The following GABBR2 variants were observed in gnomAD, a reference collection of about 807,000 sequenced individuals.
The protein encoded by GABBR2 is gamma-aminobutyric acid type B receptor subunit 2, also known as G-protein coupled receptor 51.
A neutral mutation model predicts 105.6 loss-of-function variants in GABBR2; 23 were observed. The ratio of observed to expected loss-of-function variants is 0.22; its 90% CI spans 0.16 to 0.31. The LOEUF is 0.31. Among genes scored for constraint, GABBR2 ranks in the 10% least tolerant of loss-of-function variants. The pLI is 1.00. For synonymous variants in GABBR2, 478 were observed against 499.7 expected (o/e 0.96, Z 0.58); for missense variants, 734 against 1,245.5 (o/e 0.59, Z 6.18).
At chr9:98,301,436 A>G (rs1441225145) in intron 16 of GABBR2, among the ~76,000 whole-genome samples, 1 of 152,256 alleles carries the variant, frequency 6.6e-6, no homozygotes, top group Non-Finnish European at 1.5e-5. Context: ...AAACATGGTT[A>G]GAGGATTTTT....
intron 7 of GABBR2, among the ~76,000 whole-genome samples, chr9:98,444,266 G>A (rs941356836): frequency 6.6e-6 from 1 of 152,148 alleles, no homozygotes; most frequent in Non-Finnish European, 1.5e-5. Context: ...TGTCAGATGG[G>A]GCTAGATGTT....
At chr9:98,313,704 G>A (rs1045812348) in intron 13 of GABBR2, among the ~76,000 whole-genome samples, 11 of 152,188 alleles carry the variant, frequency 7.2e-5, no homozygotes, top group African/African-American at 2.7e-4. Context: ...TTGAGGCCCA[G>A]GGTAAAGCCA....
intron 13 of GABBR2, among the ~76,000 whole-genome samples, chr9:98,322,175 C>A (rs75397572): frequency 0.034 from 5,184 of 152,036 alleles, 295 homozygotes; most frequent in African/African-American, 0.12. Context: ...CCAGGGGCAC[C>A]CTCTACTCCT....
intron 1 of GABBR2, among the ~76,000 whole-genome samples, chr9:98,618,486 A>ATCTCTCTCTCTCTC (rs10611275): frequency 3.0e-4 from 43 of 145,172 alleles, no homozygotes; most frequent in African/African-American, 9.3e-4. Flanking sequence ...GGTCTGCTGC[A>ATCTCTCTCTCTCTC]TCTCTCTCTC....
At chr9:98,567,455 T>C (rs1382980830) in intron 2 of GABBR2, among the ~76,000 whole-genome samples, 1 of 152,062 alleles carries the variant, frequency 6.6e-6, no homozygotes, top group African/African-American at 2.4e-5. Flanking sequence ...CTTTCGCCTC[T>C]CCTGTAAGTT....
chr9:98,566,877 T>A (rs1336894663), intron 2 of GABBR2, among the ~76,000 whole-genome samples: 2 of 150,594 alleles, frequency 1.3e-5, no homozygotes, highest in Non-Finnish European at 3.0e-5. Context: ...GAAGATTACA[T>A]GCCTGCTGGG....
chr9:98,399,301 G>A (rs1249718745), intron 8 of GABBR2, among the ~76,000 whole-genome samples: 2 of 149,504 alleles, frequency 1.3e-5, no homozygotes. Context: ...GCAGTGGGCT[G>A]AGATTGTGCC....
chr9:98,563,057 G>A (rs1404814860), intron 2 of GABBR2, among the ~76,000 whole-genome samples: 3 of 103,426 alleles, frequency 2.9e-5, no homozygotes, highest in African/African-American at 4.0e-5. Context: ...GTGACAGAGC[G>A]AGACCCTGTC....
At chr9:98,573,938 C>T (rs1413639791) in intron 2 of GABBR2, among the ~76,000 whole-genome samples, 1 of 152,194 alleles carries the variant, frequency 6.6e-6, no homozygotes, top group Non-Finnish European at 1.5e-5. Context: ...GAGAAGATAT[C>T]ACCCCCTATT....
At chr9:98,328,311 C>T (rs1161796299) in intron 13 of GABBR2, among the ~76,000 whole-genome samples, 2 of 152,124 alleles carry the variant, frequency 1.3e-5, no homozygotes, top group Non-Finnish European at 2.9e-5. Context: ...ATGTCAGAAA[C>T]TTAACAATAC....
At chr9:98,654,506 T>A (rs1334045792) in intron 1 of GABBR2, among the ~76,000 whole-genome samples, 2 of 152,124 alleles carry the variant, frequency 1.3e-5, no homozygotes, top group East Asian at 3.9e-4. Flanking sequence ...TACATACTAG[T>A]GGTGAAATGG....
chr9:98,558,404 T>C (rs1828619701), intron 2 of GABBR2, among the ~76,000 whole-genome samples: 1 of 152,188 alleles, frequency 6.6e-6, no homozygotes, highest in Non-Finnish European at 1.5e-5. Flanking sequence ...TAGTGATCTA[T>C]TAGTTATGTC....
intron 3 of GABBR2, among the ~76,000 whole-genome samples, chr9:98,506,598 G>T (rs1827516800): frequency 6.6e-6 from 1 of 152,212 alleles, no homozygotes. Context: ...CTCTATCAGG[G>T]CCCCAATGAA....
intron 6 of GABBR2, among the ~76,000 whole-genome samples, chr9:98,467,443 T>C (rs2808554): frequency 0.52 from 79,078 of 151,772 alleles, 20,853 homozygotes; most frequent in Non-Finnish European, 0.56. Flanking sequence ...GGAATGGGAG[T>C]AGCAAGGAAT....
chr9:98,702,521 C>G (rs1015977015), intron 1 of GABBR2, among the ~76,000 whole-genome samples: 3 of 152,180 alleles, frequency 2.0e-5, no homozygotes, highest in African/African-American at 7.2e-5. Context: ...AGACATCGCA[C>G]GGCTCCTTGC....
At chr9:98,550,101 G>A (rs181305384) in intron 2 of GABBR2, among the ~76,000 whole-genome samples, 1 of 152,288 alleles carries the variant, frequency 6.6e-6, no homozygotes, top group African/African-American at 2.4e-5. Flanking sequence ...CTAGTTCTCA[G>A]TATACAAATT....
At chr9:98,390,546 T>G (rs1427018393) in intron 9 of GABBR2, among the ~76,000 whole-genome samples, 2 of 152,036 alleles carry the variant, frequency 1.3e-5, no homozygotes, top group Admixed American at 6.5e-5. Flanking sequence ...CTAACATTTA[T>G]AAGAAAAGTG....
intron 4 of GABBR2, among the ~76,000 whole-genome samples, chr9:98,495,229 T>A (rs575742149): frequency 6.6e-6 from 1 of 152,316 alleles, no homozygotes; most frequent in African/African-American, 2.4e-5. Context: ...ACAACTGATA[T>A]GTTGCTTCCC....
chr9:98,545,091 G>T (rs1356342415), intron 2 of GABBR2, among the ~76,000 whole-genome samples: 1 of 152,164 alleles, frequency 6.6e-6, no homozygotes, highest in Non-Finnish European at 1.5e-5. Context: ...TTTCTGATGT[G>T]ATTTCTTAAT....
Sources: gnomAD v4.1 joint callset for allele counts (sites outside exome capture counted in the v4.1 genomes callset) on GRCh38, gnomAD v4.1.1 for gene constraint, MANE v1.5 for transcripts, NCBI Gene and HGNC (gene_info 2026-07-23, HGNC 2026-07-21) for gene names.